EHBP1: variants seen among roughly 807,000 people sequenced by gnomAD.
EHBP1 encodes EH domain binding protein 1, also known as EH domain-binding protein 1.
In EHBP1, 55 loss-of-function variants were observed where a neutral mutation model predicts 144.0. The observed-to-expected ratio is 0.38, with a 90% CI of 0.31 to 0.48. The LOEUF (loss-of-function observed/expected upper bound fraction) is 0.48. Among genes scored for constraint, EHBP1 ranks in the 20% least tolerant of loss-of-function variants. The pLI is 0.98. For missense variants in EHBP1, 1,200 were observed against 1,364.2 expected, an observed-to-expected ratio of 0.88 and a Z score of 1.90; for synonymous variants, 469 against 472.7, an observed-to-expected ratio of 0.99 and a Z score of 0.10.
chr2:63,030,168 T>C (rs922237834), intron 19 of EHBP1, among the ~76,000 whole-genome samples: 1 of 152,238 alleles, frequency 6.6e-6, no homozygotes, highest in Non-Finnish European at 1.5e-5. Context: ...TTTATAGTTA[T>C]ATCTACAGGA....
intron 10 of EHBP1, among the ~76,000 whole-genome samples, chr2:62,881,142 G>A (rs2051377896): frequency 6.6e-6 from 1 of 151,926 alleles, no homozygotes; most frequent in Non-Finnish European, 1.5e-5. Flanking sequence ...ACTCAGGAAC[G>A]GAAAACCAAA....
intron 14 of EHBP1, among the ~76,000 whole-genome samples, chr2:62,978,460 C>G (rs1271818501): frequency 6.6e-6 from 1 of 152,176 alleles, no homozygotes; most frequent in Non-Finnish European, 1.5e-5. Context: ...TTTGGCCTCC[C>G]AAAGTGCTGG....
At chr2:62,806,977 AC>A (rs2044560275) in intron 5 of EHBP1, among the ~76,000 whole-genome samples, 1 of 151,796 alleles carries the variant, frequency 6.6e-6, no homozygotes, top group African/African-American at 2.4e-5. Flanking sequence ...TGGTTCCAGG[AC>A]CCCCTGCAGA....
At chr2:62,883,689 C>T (rs2051670220) in intron 10 of EHBP1, among the ~76,000 whole-genome samples, 1 of 152,162 alleles carries the variant, frequency 6.6e-6, no homozygotes, top group Non-Finnish European at 1.5e-5. Context: ...GCTAGCCAGG[C>T]ACAGTGGCTG....
At chr2:62,875,175 A>C (rs2050792442) in intron 10 of EHBP1, among the ~76,000 whole-genome samples, 1 of 152,098 alleles carries the variant, frequency 6.6e-6, no homozygotes, top group Non-Finnish European at 1.5e-5. Flanking sequence ...CCACTGCCCC[A>C]TCAGTATGGG....
chr2:62,876,295 A>G (rs972296992), intron 10 of EHBP1, among the ~76,000 whole-genome samples: 9 of 152,228 alleles, frequency 5.9e-5, no homozygotes, highest in Non-Finnish European at 2.9e-5. Context: ...CAGAAACCCT[A>G]CAAGCCAGAA....
At position 63,008,563 on chromosome 2, in the gene EHBP1, C is replaced by T. The variant is rs532091549; in HGVS notation, c.3103+11797C>T. 8.8e-4 allele frequency among the ~76,000 whole-genome samples: 128 copies of T among 144,900 alleles called. 1 individual carries two copies. Among genetic ancestry groups the T allele is most frequent in the Non-Finnish European group, 1.7e-3 (109 of 65,870 alleles). On this transcript the variant is annotated intron_variant, in intron 19 of 22. Transcript: ENST00000431489. ...ACTTTTAGTGATATATAAATCACTG[C>T]TTTTTTTTTAATTTGTAAGGAGCAA... is the stretch of plus-strand genomic sequence containing the variant.
chr2:62,945,057 C>T (rs2056985766), intron 12 of EHBP1, among the ~76,000 whole-genome samples: 1 of 152,218 alleles, frequency 6.6e-6, no homozygotes, highest in African/African-American at 2.4e-5. Context: ...CAATAAACCA[C>T]CATAGTGTTA....
intron 5 of EHBP1, among the ~76,000 whole-genome samples, chr2:62,796,923 A>G (rs575230335): frequency 2.4e-4 from 36 of 152,038 alleles, no homozygotes; most frequent in African/African-American, 8.2e-4. Flanking sequence ...CTCTCTGGAA[A>G]CACACACACA....
chr2:63,006,237 G>GT (rs1465937526), intron 19 of EHBP1, among the ~76,000 whole-genome samples: 1 of 151,786 alleles, frequency 6.6e-6, no homozygotes, highest in Non-Finnish European at 1.5e-5. Flanking sequence ...TCCTTTTGTG[G>GT]TAAGTTGATT....
At chr2:62,738,606 T>G (rs2038378365) in intron 2 of EHBP1, among the ~76,000 whole-genome samples, 1 of 152,180 alleles carries the variant, frequency 6.6e-6, no homozygotes, top group Admixed American at 6.5e-5. Context: ...TCTTAGGACC[T>G]TTTTTCACTG....
chr2:62,886,391 A>G (rs968725502), intron 10 of EHBP1, among the ~76,000 whole-genome samples: 2 of 152,234 alleles, frequency 1.3e-5, no homozygotes, highest in Non-Finnish European at 1.5e-5. Flanking sequence ...AATGACAGCT[A>G]GGAAATACAA....
intron 5 of EHBP1, among the ~76,000 whole-genome samples, chr2:62,816,123 A>G (rs1000469738): frequency 6.6e-6 from 1 of 152,172 alleles, no homozygotes; most frequent in Non-Finnish European, 1.5e-5. Context: ...CCAGCTACAT[A>G]TCTGTGTGAT....
chr2:62,739,622 GTTGT>G (rs201609658), intron 2 of EHBP1, among the ~76,000 whole-genome samples: 4,844 of 152,142 alleles, frequency 0.032, 132 homozygotes, highest in Non-Finnish European at 0.048. Flanking sequence ...TCATTATAGT[GTTGT>G]TTGTCTTACA....
chr2:62,706,350 C>A (rs1336526709), intron 1 of EHBP1: 2 of 152,368 alleles, frequency 1.3e-5, no homozygotes, highest in East Asian at 3.8e-4. Flanking sequence ...CCCAAGTGGC[C>A]TGGAGCCGGG....
chr2:62,686,864 G>T (rs2033735464), intron 1 of EHBP1, among the ~76,000 whole-genome samples: 1 of 152,188 alleles, frequency 6.6e-6, no homozygotes. Flanking sequence ...TTCCTTTAAA[G>T]ACATAAATAT....
intron 3 of EHBP1, among the ~76,000 whole-genome samples, chr2:62,759,532 A>G (rs934265176): frequency 1.6e-4 from 25 of 151,968 alleles, no homozygotes; most frequent in Admixed American, 3.3e-4. Context: ...CAGCCTCCCA[A>G]GTAGCTGGGA....
chr2:62,971,129 A>G (rs1423121822), intron 14 of EHBP1, among the ~76,000 whole-genome samples: 1 of 152,160 alleles, frequency 6.6e-6, no homozygotes, highest in Non-Finnish European at 1.5e-5. Context: ...TAACTTGAAG[A>G]CATGCTGTGA....
chr2:63,019,490 C>T (rs1244825067), intron 19 of EHBP1, among the ~76,000 whole-genome samples: 4 of 152,028 alleles, frequency 2.6e-5, no homozygotes, highest in Non-Finnish European at 4.4e-5. Context: ...GGGCAGATCA[C>T]GAGGTTATGA....
Sources: allele counts gnomAD v4.1 joint callset (sites outside exome capture counted in the v4.1 genomes callset), GRCh38; gene constraint gnomAD v4.1.1; transcripts MANE v1.5; gene names NCBI Gene and HGNC (gene_info 2026-07-23, HGNC 2026-07-21).